ULK4: variants seen among roughly 807,000 people sequenced by gnomAD.
ULK4 encodes the protein unc-51 like kinase 4.
A neutral mutation model predicts 160.6 loss-of-function variants in ULK4; 133 were observed. The ratio of observed to expected loss-of-function variants is 0.83; its 90% CI spans 0.72 to 0.96. ULK4 has a LOEUF of 0.96. Among genes scored for constraint, ULK4 ranks in the 40% least tolerant of loss-of-function variants. The probability of loss-of-function intolerance (pLI) is 0.00; values close to 1 mark genes in which losing one functional copy is unlikely to be tolerated. For synonymous variants in ULK4, 534 were observed against 539.8 expected, an observed-to-expected ratio of 0.99 and a Z score of 0.15; for missense variants, 1,580 against 1,499.5, an observed-to-expected ratio of 1.05 and a Z score of -0.89.
At chr3:41,836,833 C>T (rs936384578) in intron 17 of ULK4, among the ~76,000 whole-genome samples, 1 of 152,122 alleles carries the variant, frequency 6.6e-6, no homozygotes, top group Non-Finnish European at 1.5e-5. Context: ...AAATCACATA[C>T]ACTCATTGCC....
chr3:41,915,855 C>A (rs1320324450), intron 8 of ULK4, 122 bp downstream of exon 8: 2 of 659,240 alleles, frequency 3.0e-6, no homozygotes, highest in Non-Finnish European at 5.2e-6. Context: ...AGAACAGCAC[C>A]ATTTTAGAAG....
chr3:41,687,374 G>A lies in ULK4; in HGVS notation c.2782-5570C>T, dbSNP rs968573496. Reference sequence around the variant, plus strand: ...GCGATGAAGAGAGACTCCATCTCAAGAAAAAAAAAAAAATTAATTAAACAA... The same window carrying A: ...GCGATGAAGAGAGACTCCATCTCAAAAAAAAAAAAAAAATTAATTAAACAA... On this transcript the variant is annotated intron_variant, in intron 27 of 36. Transcript: ENST00000301831. Among the ~76,000 whole-genome samples, 994 of 119,680 alleles carry A rather than the reference G, an allele frequency of 8.3e-3. 14 individuals are homozygous for A. The highest frequency in any genetic ancestry group is 0.028 in the African/African-American group (884 of 31,144). 78.5% of individuals were successfully genotyped at this position (119,680 alleles called of 152,430 possible). A position where few individuals can be genotyped will look rare whatever the true frequency, so the allele number is the denominator to read the frequency against.
At position 41,339,083 on chromosome 3, in the gene ULK4, T is replaced by C. The variant is rs144231198; in HGVS notation, c.3678+58996A>G. ...ATGTTTAGCCAGCTATCTGGGCATC[T>C]CCCAACCCAGTCAGGTTGAGACATA... On this transcript the variant is annotated intron_variant, in intron 35 of 36. Transcript: ENST00000301831. 9.9e-3 allele frequency among the ~76,000 whole-genome samples: 1,509 copies of C among 152,036 alleles called. 18 individuals are homozygous for C. Among genetic ancestry groups the C allele is most frequent in the African/African-American group, 0.034 (1,422 of 41,458 alleles).
rs778572755 is a variant in ULK4, at chr3:41,733,725, A to ATTTTTTTTTT, written c.2322-15874_2322-15865dup. On this transcript the variant is annotated intron_variant, in intron 22 of 36. Transcript: ENST00000301831. ...TGCCTTGAATTCAACTAAACACATG[A>ATTTTTTTTTT]TTTTTTTTTTTTTTTTTTTTTTTTT... 7.5e-5 allele frequency among the ~76,000 whole-genome samples: 7 copies of ATTTTTTTTTT among 93,598 alleles called. 1 individual carries two copies. Among genetic ancestry groups the ATTTTTTTTTT allele is most frequent in the African/African-American group, 3.8e-4 (6 of 15,970 alleles). 61.4% of individuals were successfully genotyped at this position (93,598 alleles called of 152,430 possible).
At chr3:41,508,299 C>T (rs2085462379) in intron 32 of ULK4, among the ~76,000 whole-genome samples, 1 of 152,132 alleles carries the variant, frequency 6.6e-6, no homozygotes, top group African/African-American at 2.4e-5. Context: ...CAAGGAGAGT[C>T]TGAGCTCAGA....
intron 27 of ULK4, among the ~76,000 whole-genome samples, chr3:41,689,333 T>C (rs1252233063): frequency 6.6e-6 from 1 of 152,238 alleles, no homozygotes; most frequent in Non-Finnish European, 1.5e-5. Flanking sequence ...GACTCACAAA[T>C]TCTTGGTATG....
intron 2 of ULK4, among the ~76,000 whole-genome samples, chr3:41,951,045 G>T (rs372135782): frequency 1.1e-3 from 164 of 149,404 alleles, no homozygotes; most frequent in African/African-American, 3.9e-3. Context: ...TCAAGAGGCT[G>T]AGGCAGGAGA....
chr3:41,484,545 C>T (rs551931450), intron 32 of ULK4, among the ~76,000 whole-genome samples: 256 of 150,386 alleles, frequency 1.7e-3, no homozygotes, highest in Non-Finnish European at 2.8e-3. Context: ...CTCCGCCTCC[C>T]GGGTTCACGC....
chr3:41,728,774 A>C (rs1188048643), intron 22 of ULK4, among the ~76,000 whole-genome samples: 1 of 152,182 alleles, frequency 6.6e-6, no homozygotes, highest in Non-Finnish European at 1.5e-5. Flanking sequence ...GGTAAATGTG[A>C]ATTAGGTTAT....
At chr3:41,822,754 C>G (rs1053763798) in intron 18 of ULK4, among the ~76,000 whole-genome samples, 3 of 116,428 alleles carry the variant, frequency 2.6e-5, no homozygotes, top group Non-Finnish European at 5.1e-5. Flanking sequence ...GACAGTCTCG[C>G]TCTGTCACCC....
chr3:41,628,799 T>C (rs1159787761), intron 30 of ULK4, among the ~76,000 whole-genome samples: 2 of 152,226 alleles, frequency 1.3e-5, no homozygotes, highest in Non-Finnish European at 2.9e-5. Flanking sequence ...TTAACAGTAG[T>C]GAAAGCTGGC....
chr3:41,246,904 G>A lies in ULK4; in HGVS notation c.*25C>T, dbSNP rs766362471. ...CATCCGAGGGCTGGGGCCACAGGGC[G>A]GGCTTGTGCTAAGCACCTTCTTGCC... is the stretch of plus-strand genomic sequence containing the variant. On this transcript the variant is annotated 3_prime_UTR_variant, in exon 37 of 37. Transcript: ENST00000301831. 1.1e-4 allele frequency: 179 copies of A among 1,611,476 alleles called. No homozygotes were observed. Among genetic ancestry groups the A allele is most frequent in the Non-Finnish European group, 1.4e-4 (162 of 1,179,122 alleles).
In ULK4 at chr3:41,592,849, C is replaced by T. The variant is rs565212665; in HGVS notation, c.3120+22820G>A. 2.4e-4 allele frequency among the ~76,000 whole-genome samples: 37 copies of T among 152,178 alleles called. No individual in the cohort carries two copies. The South Asian group carries it at 6.6e-3, about 27-fold the overall frequency. On this transcript the variant is annotated intron_variant, in intron 31 of 36. Coordinates refer to ENST00000301831, the MANE Select transcript of ULK4 (RefSeq NM_017886.4). ...ACTGCCATACTCCTAAAATTTTATC[C>T]TTTGTGCTTTCAATGTTGTGAAATA...
At chr3:41,842,476 G>C (rs2041957791) in intron 17 of ULK4, among the ~76,000 whole-genome samples, 1 of 152,168 alleles carries the variant, frequency 6.6e-6, no homozygotes, top group Non-Finnish European at 1.5e-5. Context: ...CTTGTGGTAG[G>C]TATTTGTATG....
At chr3:41,275,979 T>A (rs1398140251) in intron 35 of ULK4, among the ~76,000 whole-genome samples, 1 of 152,236 alleles carries the variant, frequency 6.6e-6, no homozygotes. Flanking sequence ...GGATGAAGAA[T>A]TAGCTCCTTT....
chr3:41,712,609 G>A (rs1001457280), intron 25 of ULK4, among the ~76,000 whole-genome samples: 5 of 152,190 alleles, frequency 3.3e-5, no homozygotes, highest in Non-Finnish European at 1.5e-5. Context: ...AAAACACAAT[G>A]CTGGGAGAGG....
At chr3:41,706,841 A>T (rs1379785429) in intron 25 of ULK4, among the ~76,000 whole-genome samples, 56 of 113,038 alleles carry the variant, frequency 5.0e-4, no homozygotes, top group African/African-American at 4.4e-3. Flanking sequence ...AAAAAAAAAA[A>T]AAAAAATATG....
intron 31 of ULK4, among the ~76,000 whole-genome samples, chr3:41,587,997 G>A (rs2030960018): frequency 6.6e-6 from 1 of 152,148 alleles, no homozygotes; most frequent in Non-Finnish European, 1.5e-5. Context: ...GCTTAAGTCA[G>A]GAGCACTAAT....
chr3:41,814,803 T>A (rs1371658224), intron 19 of ULK4, among the ~76,000 whole-genome samples: 3 of 152,138 alleles, frequency 2.0e-5, no homozygotes, highest in Admixed American at 1.3e-4. Flanking sequence ...CCACACTTCT[T>A]TGGATTAGGT....
Sources: allele counts gnomAD v4.1 joint callset (sites outside exome capture counted in the v4.1 genomes callset), GRCh38; gene constraint gnomAD v4.1.1; transcripts MANE v1.5; gene names NCBI Gene and HGNC (gene_info 2026-07-23, HGNC 2026-07-21).